NPAS3: variants seen among roughly 807,000 people sequenced by gnomAD.
NPAS3 encodes neuronal PAS domain-containing protein 3.
Under a neutral mutation model 73.1 loss-of-function variants are expected in NPAS3, and 14 were observed. That is an observed-to-expected ratio of 0.19 (90% confidence interval 0.13 to 0.30). The LOEUF (loss-of-function observed/expected upper bound fraction) is 0.30. Ranked by LOEUF, NPAS3 falls within the 10% of genes least tolerant of loss-of-function variation. The pLI, the probability that NPAS3 is intolerant of heterozygous loss-of-function variation, is 1.00. For synonymous variants in NPAS3, 620 were observed against 541.5 expected (o/e 1.14, Z -2.01); for missense variants, 1,096 against 1,250.0 (o/e 0.88, Z 1.86).
chr14:33,644,094 C>T (rs1434388353), intron 5 of NPAS3, among the ~76,000 whole-genome samples: 1 of 152,112 alleles, frequency 6.6e-6, no homozygotes, highest in Non-Finnish European at 1.5e-5. Context: ...GTCACTCGCT[C>T]TTCTTTAGTG....
intron 7 of NPAS3, among the ~76,000 whole-genome samples, chr14:33,743,555 C>A (rs529147921): frequency 2.6e-5 from 4 of 152,264 alleles, no homozygotes; most frequent in Non-Finnish European, 2.9e-5. Flanking sequence ...TTCTTAAGAG[C>A]CCTAGGATTT....
chr14:33,304,539 T>C (rs1356778609), intron 3 of NPAS3, among the ~76,000 whole-genome samples: 1 of 151,894 alleles, frequency 6.6e-6, no homozygotes, highest in Non-Finnish European at 1.5e-5. Flanking sequence ...TCCCCATTAT[T>C]TTCTAAACAT....
At chr14:33,699,824 C>G (rs990971603) in intron 6 of NPAS3, among the ~76,000 whole-genome samples, 2 of 152,082 alleles carry the variant, frequency 1.3e-5, no homozygotes, top group African/African-American at 4.8e-5. Flanking sequence ...AACCCGTACA[C>G]GGCACAGCTA....
chr14:33,140,096 T>C (rs555973191), intron 2 of NPAS3, among the ~76,000 whole-genome samples: 9 of 152,328 alleles, frequency 5.9e-5, no homozygotes, highest in African/African-American at 2.2e-4. Context: ...GGTAGGCCTA[T>C]GATGAAGTGT....
chr14:33,416,828 T>C (rs2048167824), intron 4 of NPAS3, among the ~76,000 whole-genome samples: 1 of 152,018 alleles, frequency 6.6e-6, no homozygotes, highest in African/African-American at 2.4e-5. Flanking sequence ...TATTTGTGTC[T>C]ACTTGCATAT....
At chr14:33,359,953 A>G (rs1482740247) in intron 3 of NPAS3, among the ~76,000 whole-genome samples, 2 of 152,242 alleles carry the variant, frequency 1.3e-5, no homozygotes, top group African/African-American at 4.8e-5. Context: ...GAAGCAGTTC[A>G]AAACTAGAAC....
intron 1 of NPAS3, among the ~76,000 whole-genome samples, chr14:32,993,728 A>G (rs1276959383): frequency 1.3e-5 from 2 of 152,216 alleles, no homozygotes; most frequent in East Asian, 1.9e-4. Context: ...ATTCTTTCCA[A>G]TGAATTTTTA....
intron 1 of NPAS3, among the ~76,000 whole-genome samples, chr14:32,954,298 TC>T (rs2036592751): frequency 3.9e-5 from 6 of 152,186 alleles, no homozygotes; most frequent in Admixed American, 3.3e-4. Flanking sequence ...GTGTTTGTCC[TC>T]TTTTGTAAGC....
chr14:33,416,330 C>T (rs562805173), intron 4 of NPAS3, among the ~76,000 whole-genome samples: 7 of 152,092 alleles, frequency 4.6e-5, no homozygotes, highest in Admixed American at 2.0e-4. Context: ...TGGACAGAGG[C>T]GGGGCACTAG....
rs568462339 is a variant in NPAS3 at position 33,772,826 on chromosome 14, C to T, written c.853-1511C>T. Among the ~76,000 whole-genome samples the T allele has an allele frequency of 1.3e-3, 204 of 152,290 alleles. 1 individual carries two copies. Among genetic ancestry groups the T allele is most frequent in the Non-Finnish European group, 2.0e-3 (138 of 68,036 alleles). On this transcript the variant is annotated intron_variant, in intron 7 of 11. Coordinates refer to ENST00000356141, the Ensembl canonical transcript of NPAS3. ...CATAAAGTAGCTCATCTGACCAAAG[C>T]TTAAAGCAAAGGTGCATTAAGTATG...
intron 3 of NPAS3, among the ~76,000 whole-genome samples, chr14:33,324,012 T>C (rs1355411993): frequency 6.6e-6 from 1 of 152,240 alleles, no homozygotes; most frequent in Non-Finnish European, 1.5e-5. Flanking sequence ...GTTTTGAGTA[T>C]TGTGCCTTGT....
chr14:33,688,545 A>C (rs1444900603), intron 6 of NPAS3, among the ~76,000 whole-genome samples: 1 of 152,114 alleles, frequency 6.6e-6, no homozygotes, highest in Admixed American at 6.6e-5. Flanking sequence ...CAGATGGGCC[A>C]TTCTATTCAG....
chr14:33,438,619 C>G (rs975691105), intron 4 of NPAS3, among the ~76,000 whole-genome samples: 2 of 152,138 alleles, frequency 1.3e-5, no homozygotes, highest in African/African-American at 4.8e-5. Context: ...AATGGCTCAG[C>G]TGGGGTATTT....
chr14:33,344,801 C>G (rs1222639400), intron 3 of NPAS3, among the ~76,000 whole-genome samples: 1 of 152,192 alleles, frequency 6.6e-6, no homozygotes, highest in East Asian at 1.9e-4. Flanking sequence ...CCATCCCACT[C>G]CCCTGGAACT....
intron 3 of NPAS3, among the ~76,000 whole-genome samples, chr14:33,235,436 G>A (rs970686504): frequency 6.6e-6 from 1 of 151,936 alleles, no homozygotes; most frequent in Non-Finnish European, 1.5e-5. Context: ...GCATAATGTA[G>A]GTTATAGTCA....
downstream of NPAS3, chr14:33,802,158 T>G (rs2063728576): frequency 6.6e-6 from 1 of 152,034 alleles, no homozygotes; most frequent in Non-Finnish European, 1.5e-5. Flanking sequence ...TCAATAACAC[T>G]TCGGAGTAAA....
intron 9 of NPAS3, among the ~76,000 whole-genome samples, chr14:33,779,137 A>G (rs1009846219): frequency 5.9e-5 from 9 of 152,212 alleles, no homozygotes; most frequent in Admixed American, 6.5e-5. Context: ...AGGTATCTCC[A>G]TCCCCCAACT....
intron 2 of NPAS3, among the ~76,000 whole-genome samples, chr14:33,205,517 T>C (rs2046790390): frequency 6.6e-6 from 1 of 152,158 alleles, no homozygotes; most frequent in African/African-American, 2.4e-5. Context: ...CAACCATACA[T>C]GTGCTTTTGG....
At chr14:33,571,331 C>A (rs1219388645) in intron 5 of NPAS3, among the ~76,000 whole-genome samples, 2 of 152,170 alleles carry the variant, frequency 1.3e-5, no homozygotes, top group Non-Finnish European at 2.9e-5. Context: ...CTCTGCAGTT[C>A]ATCCAACGCT....
Sources: allele counts gnomAD v4.1 joint callset (sites outside exome capture counted in the v4.1 genomes callset), GRCh38; gene constraint gnomAD v4.1.1; transcripts MANE v1.5; gene names NCBI Gene and HGNC (gene_info 2026-07-23, HGNC 2026-07-21).